Variants in PTPRN2 observed in about 807,000 individuals in gnomAD.
PTPRN2 encodes the protein receptor-type tyrosine-protein phosphatase N2.
Under a neutral mutation model 118.8 loss-of-function variants are expected in PTPRN2, and 74 were observed. The ratio of observed to expected loss-of-function variants is 0.62; its 90% CI spans 0.52 to 0.76. PTPRN2 has a LOEUF of 0.76. PTPRN2 is among the 30% of genes least tolerant of loss of function. The probability of loss-of-function intolerance (pLI) is 0.00; values close to 1 mark genes in which losing one functional copy is unlikely to be tolerated. For synonymous variants in PTPRN2, 641 were observed against 608.0 expected (o/e 1.05, Z -0.80); for missense variants, 1,481 against 1,394.4 (o/e 1.06, Z -0.99).
rs560440228 is a variant in PTPRN2 at position 158,544,906 on chromosome 7, G to A, written c.112+42652C>T. Among the ~76,000 whole-genome samples the A allele has an allele frequency of 4.7e-4, 71 of 152,268 alleles. No homozygotes were observed. Among genetic ancestry groups the A allele is most frequent in the African/African-American group, 1.6e-3 (67 of 41,554 alleles). On this transcript the variant is annotated intron_variant, in intron 1 of 22. Transcript: ENST00000389418. The surrounding 1 kb of genome is among the most constrained non-coding windows in gnomAD (Gnocchi z 4.2). ...TGCCCACACTGGTGCTCACACTCAC[G>A]TGATCACACCCACTCTTTCTTCTTG... is the stretch of plus-strand genomic sequence containing the variant.
chr7:157,927,306 A>ACG lies in PTPRN2; in HGVS notation c.1724-28570_1724-28569insCG, dbSNP rs1563246018. ...GGACCCGTCTGAGAGCAGAGACCTCATGTCTTCTGGGACCCCAAGACAGGA... is the reference window on the plus strand; with the variant it reads ...GGACCCGTCTGAGAGCAGAGACCTCACGTGTCTTCTGGGACCCCAAGACAGGA... On this transcript the variant is annotated intron_variant, in intron 11 of 22. Transcript: ENST00000389418. Among the ~76,000 whole-genome samples the ACG allele has an allele frequency of 1.3e-3, 46 of 34,484 alleles. 13 individuals carry two copies. The highest frequency in any genetic ancestry group is 5.3e-3 in the Admixed American group (15 of 2,816). The allele number at this position is 34,484 out of a possible 152,430, so 22.6% of individuals were successfully genotyped here.
At chr7:157,637,893 A>G (rs1424151403) in intron 14 of PTPRN2, among the ~76,000 whole-genome samples, 1 of 152,262 alleles carries the variant, frequency 6.6e-6, no homozygotes, top group Non-Finnish European at 1.5e-5. Flanking sequence ...GGAAGAATAA[A>G]GAGTTCCAGC....
In PTPRN2 at chr7:157,785,896, C is replaced by T. The variant is rs1326129602; in HGVS notation, c.1789-102959G>A. 1.3e-5 allele frequency among the ~76,000 whole-genome samples: 2 copies of T among 151,912 alleles called. No homozygotes were observed. Among genetic ancestry groups the T allele is most frequent in the Non-Finnish European group, 1.5e-5 (1 of 67,934 alleles). On this transcript the variant is annotated intron_variant, in intron 12 of 22. Coordinates refer to ENST00000389418, the MANE Select transcript of PTPRN2 (RefSeq NM_002847.5). This position sits in a 1 kb window ranked among gnomAD's most constrained non-coding sequence, Gnocchi z 7.3. Reference sequence around the variant, plus strand: ...CATAATCACTGGTTTTTTTTGTGTGCGTGTTCACCAGCCTGCTCACCTGGG... The same window carrying T: ...CATAATCACTGGTTTTTTTTGTGTGTGTGTTCACCAGCCTGCTCACCTGGG...
chr7:158,135,958 G>A (rs1451245558), intron 8 of PTPRN2, among the ~76,000 whole-genome samples: 2 of 152,178 alleles, frequency 1.3e-5, no homozygotes, highest in Admixed American at 1.3e-4. Flanking sequence ...ACGACCAAAG[G>A]TTCTTAAAGG....
chr7:158,028,197 T>A (rs1158991311), intron 11 of PTPRN2: 1 of 152,210 alleles, frequency 6.6e-6, no homozygotes, highest in Non-Finnish European at 1.5e-5. Flanking sequence ...CTCTGGACAT[T>A]TTCATGGCTG....
At chr7:158,098,540 C>A (rs1814866920) in intron 10 of PTPRN2, among the ~76,000 whole-genome samples, 1 of 152,292 alleles carries the variant, frequency 6.6e-6, no homozygotes, top group East Asian at 1.9e-4. Context: ...AAGGCGGTGG[C>A]CAGGAGGGCC....
intron 11 of PTPRN2, among the ~76,000 whole-genome samples, chr7:157,905,142 T>A (rs1453889608): frequency 6.6e-6 from 1 of 152,220 alleles, no homozygotes; most frequent in African/African-American, 2.4e-5. Context: ...CACACCTGTG[T>A]AACTGAGGAC....
intron 9 of PTPRN2, among the ~76,000 whole-genome samples, chr7:158,113,075 G>A (rs1216069784): frequency 6.6e-6 from 1 of 152,094 alleles, no homozygotes; most frequent in Admixed American, 6.5e-5. Flanking sequence ...AGGGCAATGA[G>A]GGGAACTGGC....
chr7:157,657,050 TACACCACAC>T (rs1222111435), intron 13 of PTPRN2, among the ~76,000 whole-genome samples: 5 of 58,514 alleles, frequency 8.5e-5, no homozygotes, highest in East Asian at 1.1e-3. Flanking sequence ...TACACACACA[TACACCACAC>T]ACACCACACA....
intron 11 of PTPRN2, among the ~76,000 whole-genome samples, chr7:157,969,057 T>C (rs111415282): frequency 5.2e-4 from 79 of 152,308 alleles, no homozygotes; most frequent in African/African-American, 1.8e-3. Context: ...TGAGAGTCTG[T>C]ACTGCACATG....
chr7:158,185,316 G>A (rs796609766), intron 5 of PTPRN2, among the ~76,000 whole-genome samples: 1 of 152,248 alleles, frequency 6.6e-6, no homozygotes, highest in Non-Finnish European at 1.5e-5. Flanking sequence ...CAAAAAGAAT[G>A]TGTGTTTAGC....
chr7:158,373,199 A>G (rs1810234233), intron 2 of PTPRN2, among the ~76,000 whole-genome samples: 1 of 152,252 alleles, frequency 6.6e-6, no homozygotes, highest in African/African-American at 2.4e-5. Context: ...CTTTCCTCTG[A>G]CGCCCGTACG....
At chr7:158,033,400 C>G (rs1018040993) in intron 11 of PTPRN2, among the ~76,000 whole-genome samples, 4 of 152,206 alleles carry the variant, frequency 2.6e-5, no homozygotes, top group African/African-American at 9.6e-5. Flanking sequence ...CTGGAAGCAG[C>G]CTGAGTCCTT....
chr7:158,310,772 A>C, intron 3 of PTPRN2, among the ~76,000 whole-genome samples: 1 of 146,280 alleles, frequency 6.8e-6, no homozygotes, highest in East Asian at 2.1e-4. Context: ...CGCAAGTCCC[A>C]CGGAGGGCGA....
chr7:158,019,708 T>G (rs1563333769), intron 11 of PTPRN2, among the ~76,000 whole-genome samples: 1 of 151,978 alleles, frequency 6.6e-6, no homozygotes, highest in African/African-American at 2.4e-5. Context: ...GCGGGCTGTG[T>G]CCCCTCCAAG....
At chr7:157,715,918 G>A (rs1001468291) in intron 12 of PTPRN2, among the ~76,000 whole-genome samples, 3 of 152,326 alleles carry the variant, frequency 2.0e-5, no homozygotes, top group African/African-American at 7.2e-5. Context: ...GCAGGGCAGC[G>A]GGCGGCCTGG....
rs1321468861 is a variant in PTPRN2, at chr7:158,081,237, CGTGCGTGTGTGTGTGCACACACGTGTGT to C, written c.1723+33_1723+60del. 9 of 1,466,670 alleles carry C rather than the reference CGTGCGTGTGTGTGTGCACACACGTGTGT, an allele frequency of 6.1e-6. No homozygotes were observed. In the African/African-American group the frequency reaches 1.1e-4, roughly 18 times the overall value. 90.9% of individuals were successfully genotyped at this position (1,466,670 alleles called of 1,614,324 possible). A position where few individuals can be genotyped will look rare whatever the true frequency, so the allele number is the denominator to read the frequency against. ...CCCTGGCTGTGCATGTGCGTGTTTG[CGTGCGTGTGTGTGTGCACACACGTGTGT>C]GTGCGTGTACGTGTGTGTGGAAACA... On this transcript the variant is annotated intron_variant, in intron 11 of 22. Coordinates refer to ENST00000389418, the MANE Select transcript of PTPRN2 (RefSeq NM_002847.5).
chr7:158,111,733 G>A (rs143108949), intron 9 of PTPRN2, among the ~76,000 whole-genome samples: 1 of 152,328 alleles, frequency 6.6e-6, no homozygotes, highest in Non-Finnish European at 1.5e-5. Flanking sequence ...AGCAAGACCA[G>A]CCCTGCCCTC....
intron 11 of PTPRN2, among the ~76,000 whole-genome samples, chr7:157,915,293 C>T (rs1025970921): frequency 6.6e-6 from 1 of 152,274 alleles, no homozygotes; most frequent in South Asian, 2.1e-4. Flanking sequence ...TTTCCCTCTG[C>T]CAGGCATCTG....
Sources: gnomAD v4.1 joint callset for allele counts (sites outside exome capture counted in the v4.1 genomes callset) on GRCh38, gnomAD v4.1.1 for gene constraint, Gnocchi (gnomAD v3.1) non-coding constraint, MANE v1.5 for transcripts, NCBI Gene and HGNC (gene_info 2026-07-23, HGNC 2026-07-21) for gene names.